Variants in CDC42BPA observed in about 807,000 individuals in gnomAD.
CDC42BPA encodes the protein serine/threonine-protein kinase MRCK alpha.
In CDC42BPA, 80 loss-of-function variants were observed where a neutral mutation model predicts 223.5. That is an observed-to-expected ratio of 0.36 (90% CI 0.30 to 0.43). The LOEUF is 0.43. CDC42BPA is among the 20% of genes least tolerant of loss of function. CDC42BPA has a pLI of 1.00. For missense variants in CDC42BPA, 1,743 were observed against 2,099.9 expected (o/e 0.83, Z 3.32); for synonymous variants, 694 against 718.6 (o/e 0.97, Z 0.55).
chr1:227,027,287 A>C (rs999736220), intron 30 of CDC42BPA, among the ~76,000 whole-genome samples: 3 of 152,190 alleles, frequency 2.0e-5, no homozygotes, highest in Non-Finnish European at 2.9e-5. Flanking sequence ...TGTCCTGTTC[A>C]CGCAGACTTT....
chr1:227,072,978 T>G (rs1050529575), intron 19 of CDC42BPA, among the ~76,000 whole-genome samples: 3 of 152,140 alleles, frequency 2.0e-5, no homozygotes, highest in Non-Finnish European at 2.9e-5. Flanking sequence ...GCATTATTTA[T>G]AGCAAAAAGC....
chr1:227,098,270 A>T (rs201726817), intron 15 of CDC42BPA, among the ~76,000 whole-genome samples: 3 of 148,288 alleles, frequency 2.0e-5, no homozygotes, highest in South Asian at 4.2e-4. Flanking sequence ...GTTCTAAGAA[A>T]TTTTTTTCTA....
intron 35 of CDC42BPA, among the ~76,000 whole-genome samples, chr1:227,001,187 A>G (rs1324853046): frequency 6.6e-6 from 1 of 152,236 alleles, no homozygotes; most frequent in Non-Finnish European, 1.5e-5. Context: ...GAGACTGAAC[A>G]TAGTTGGCCT....
At chr1:227,281,328 C>T (rs774046322) in intron 1 of CDC42BPA, among the ~76,000 whole-genome samples, 1 of 151,314 alleles carries the variant, frequency 6.6e-6, no homozygotes, top group African/African-American at 2.4e-5. Context: ...TTTTTTCCCC[C>T]ACTCTCACCC....
At chr1:227,124,097 G>A (rs1341586625) in intron 11 of CDC42BPA, among the ~76,000 whole-genome samples, 3 of 151,896 alleles carry the variant, frequency 2.0e-5, no homozygotes, top group Non-Finnish European at 2.9e-5. Flanking sequence ...TATATATAGT[G>A]TCAGTTATAC....
intron 21 of CDC42BPA, among the ~76,000 whole-genome samples, chr1:227,066,271 TC>T (rs1212079797): frequency 1.3e-5 from 2 of 151,998 alleles, no homozygotes; most frequent in Non-Finnish European, 2.9e-5. Flanking sequence ...GCACCTGTAG[TC>T]CCAGCTACTT....
At chr1:227,273,052 G>C (rs531652066) in intron 1 of CDC42BPA, among the ~76,000 whole-genome samples, 2 of 151,866 alleles carry the variant, frequency 1.3e-5, no homozygotes, top group African/African-American at 2.4e-5. Flanking sequence ...CAGCACTTTG[G>C]GAGGCCAAGG....
chr1:227,184,603 T>C (rs1668459920), intron 5 of CDC42BPA, among the ~76,000 whole-genome samples: 1 of 152,146 alleles, frequency 6.6e-6, no homozygotes, highest in East Asian at 1.9e-4. Context: ...AGAGTGATTC[T>C]TTCCACTTTA....
chr1:226,992,096 G>A lies in CDC42BPA; in HGVS notation c.*2172C>T, dbSNP rs1448414528. 3 of 151,426 alleles carry A rather than the reference G, an allele frequency of 2.0e-5. No individual in the cohort carries two copies. The highest frequency in any genetic ancestry group is 2.9e-5 in the Non-Finnish European group (2 of 67,950). 9.4% of individuals were successfully genotyped at this position (151,426 alleles called of 1,614,324 possible). A position where few individuals can be genotyped will look rare whatever the true frequency, so the allele number is the denominator to read the frequency against. ...AGAGAAGGGTGGACAGAAGGGGTGCGAGCTGGTCACGAGCACCAAGCAGGG... is the reference window on the plus strand; with the variant it reads ...AGAGAAGGGTGGACAGAAGGGGTGCAAGCTGGTCACGAGCACCAAGCAGGG... On this transcript the variant is annotated 3_prime_UTR_variant, in exon 37 of 37. Transcript: ENST00000366766.
intron 21 of CDC42BPA, among the ~76,000 whole-genome samples, chr1:227,054,874 T>C (rs1010481273): frequency 3.3e-5 from 5 of 152,016 alleles, no homozygotes; most frequent in African/African-American, 1.2e-4. Context: ...ACTAGCTTTT[T>C]AGAACTATAT....
At chr1:227,182,157 A>T (rs886402892) in intron 5 of CDC42BPA, among the ~76,000 whole-genome samples, 2 of 152,292 alleles carry the variant, frequency 1.3e-5, no homozygotes, top group African/African-American at 4.8e-5. Context: ...TAACACCTGG[A>T]GTCCTCATGG....
intron 23 of CDC42BPA, 105 bp downstream of exon 23, chr1:227,047,822 T>C (rs775174431): frequency 1.6e-5 from 10 of 615,536 alleles, no homozygotes; most frequent in Non-Finnish European, 2.8e-5. Context: ...AGTTTTTCTG[T>C]TTGTAAATTT....
intron 3 of CDC42BPA, among the ~76,000 whole-genome samples, chr1:227,207,084 C>A: frequency 1.1e-5 from 1 of 94,258 alleles, no homozygotes; most frequent in Non-Finnish European, 2.0e-5. Flanking sequence ...CTCCCCCCTC[C>A]CCCCACCCCA....
chr1:227,037,622 G>A (rs1345731637), intron 24 of CDC42BPA, among the ~76,000 whole-genome samples: 1 of 152,126 alleles, frequency 6.6e-6, no homozygotes, highest in Non-Finnish European at 1.5e-5. Flanking sequence ...CATCTGATGG[G>A]GATGGGCTAC....
chr1:227,258,401 G>C (rs1200911096), intron 1 of CDC42BPA, among the ~76,000 whole-genome samples: 2 of 150,568 alleles, frequency 1.3e-5, no homozygotes, highest in Non-Finnish European at 2.9e-5. Flanking sequence ...TATACCTATT[G>C]ACTATTCTAA....
chr1:227,317,072 G>T lies in CDC42BPA; in HGVS notation c.111C>A (p.Cys37Ter). The change falls in exon 1 of 37, where the codon TGC becomes TGA. Residue 37 changes from cysteine to a stop codon, truncating the protein, a stop_gained. Transcript: ENST00000366766. LOFTEE classifies it high-confidence loss of function. ...SVETLLDILICLYDECNNSPL... is the reference protein window; with the variant it reads ...SVETLLDILI ...GAGAATTATTGCATTCATCATAAAG[G>T]CAGATGAGTATATCCAGTAATGTCT... The T allele has an allele frequency of 6.2e-7, 1 of 1,613,276 alleles. No individual in the cohort carries two copies. Among genetic ancestry groups the T allele is most frequent in the Non-Finnish European group, 8.5e-7 (1 of 1,179,288 alleles).
At position 227,214,733 on chromosome 1, in the gene CDC42BPA, C is replaced by T. The variant is rs114575824; in HGVS notation, c.271-1514G>A. ...GACTCCAAAACTTAGGTGTCTTCCC[C>T]TCCCAAGGTCACAGTGTGAGAAAAG... On this transcript the variant is annotated intron_variant, in intron 2 of 36. Coordinates refer to ENST00000366766, the MANE Select transcript of CDC42BPA (RefSeq NM_001394014.1). 3.7e-3 allele frequency among the ~76,000 whole-genome samples: 568 copies of T among 152,218 alleles called. 3 individuals carry two copies. Among genetic ancestry groups the T allele is most frequent in the African/African-American group, 0.013 (551 of 41,536 alleles).
intron 15 of CDC42BPA, among the ~76,000 whole-genome samples, chr1:227,099,446 A>T (rs955812241): frequency 5.3e-5 from 8 of 151,824 alleles, no homozygotes; most frequent in Non-Finnish European, 1.0e-4. Flanking sequence ...TACCCTTTTT[A>T]AAAAAAATCT....
chr1:227,270,724 A>G (rs114835443), intron 1 of CDC42BPA, among the ~76,000 whole-genome samples: 3,670 of 152,220 alleles, frequency 0.024, 44 homozygotes, highest in Middle Eastern at 0.041. Context: ...ACATTAAGCA[A>G]TAATTCCCCA....
Sources: allele counts gnomAD v4.1 joint callset (sites outside exome capture counted in the v4.1 genomes callset), GRCh38; gene constraint gnomAD v4.1.1; transcripts MANE v1.5; gene names NCBI Gene and HGNC (gene_info 2026-07-23, HGNC 2026-07-21).